AGFG1: variants seen among roughly 807,000 people sequenced by gnomAD.
AGFG1 encodes arf-GAP domain and FG repeat-containing protein 1.
AGFG1 carries 10 observed loss-of-function variants against 60.6 expected under a neutral mutation model. The ratio of observed to expected loss-of-function variants is 0.16; its 90% CI spans 0.10 to 0.28. The LOEUF is 0.28. Ranked by LOEUF, AGFG1 falls within the 10% of genes least tolerant of loss-of-function variation. AGFG1 has a pLI of 1.00. For missense variants in AGFG1, 537 were observed against 676.5 expected, an observed-to-expected ratio of 0.79 and a Z score of 2.29; for synonymous variants, 247 against 242.9, an observed-to-expected ratio of 1.02 and a Z score of -0.16.
intron 11 of AGFG1, among the ~76,000 whole-genome samples, 198 bp downstream of exon 11, chr2:227,552,315 C>T (rs1302624588): frequency 6.6e-6 from 1 of 152,178 alleles, no homozygotes; most frequent in Admixed American, 6.5e-5. Context: ...GAGCAGGTTA[C>T]AATTTATGGG....
intron 1 of AGFG1, among the ~76,000 whole-genome samples, chr2:227,478,858 T>C (rs1185726253): frequency 6.6e-6 from 1 of 152,218 alleles, no homozygotes; most frequent in Non-Finnish European, 1.5e-5. Flanking sequence ...TTCTTTTCCA[T>C]GGTCAAATAA....
At chr2:227,531,021 C>G in intron 5 of AGFG1, 70 bp from the exon 6 acceptor site, 2 of 1,355,820 alleles carry the variant, frequency 1.5e-6, no homozygotes, top group Non-Finnish European at 2.0e-6. Context: ...AATTCTTAAA[C>G]TCATGTGTCA....
At chr2:227,503,710 T>C (rs902974695) in intron 2 of AGFG1, among the ~76,000 whole-genome samples, 8 of 152,350 alleles carry the variant, frequency 5.3e-5, no homozygotes, top group Middle Eastern at 3.4e-3. Flanking sequence ...TGAGTGTCAC[T>C]GTGGTGGAGA....
intron 2 of AGFG1, among the ~76,000 whole-genome samples, chr2:227,497,567 C>G (rs574447149): frequency 6.6e-6 from 1 of 151,212 alleles, no homozygotes; most frequent in Non-Finnish European, 1.5e-5. Flanking sequence ...GTAAGATTTA[C>G]AAAAAAAAAT....
At chr2:227,547,573 C>T (rs1053418149) in intron 10 of AGFG1, among the ~76,000 whole-genome samples, 2 of 152,008 alleles carry the variant, frequency 1.3e-5, no homozygotes, top group Admixed American at 6.6e-5. Context: ...TCAGAATGTG[C>T]AAAGAACTCG....
At chr2:227,548,517 ATGT>A (rs1410478096) in intron 10 of AGFG1, among the ~76,000 whole-genome samples, 1 of 152,158 alleles carries the variant, frequency 6.6e-6, no homozygotes. Flanking sequence ...GTCTCCTGTA[ATGT>A]TGTTAGCAAA....
At chr2:227,542,094 T>C (rs554456682) in intron 10 of AGFG1, among the ~76,000 whole-genome samples, 1 of 152,340 alleles carries the variant, frequency 6.6e-6, no homozygotes, top group East Asian at 1.9e-4. Flanking sequence ...TATACAATCA[T>C]GTCATCTGCA....
Position 227,535,035 on chromosome 2 carries a change from C to G in AGFG1, c.1205+10C>G. The G allele has an allele frequency of 6.3e-7, 1 of 1,580,076 alleles. No homozygotes were observed. On this transcript the variant is annotated intron_variant, in intron 8 of 12. Transcript: ENST00000310078. ...CAAGTAATGCTAGCAGGTACCTTGT[C>G]TTAGCTAGCCCTCCTGCTTTGTGTT...
At chr2:227,528,309 A>G (rs1692056775) in intron 5 of AGFG1, among the ~76,000 whole-genome samples, 1 of 152,164 alleles carries the variant, frequency 6.6e-6, no homozygotes, top group Non-Finnish European at 1.5e-5. Context: ...ACTGAGAAGG[A>G]TAAGAAATTT....
intron 2 of AGFG1, among the ~76,000 whole-genome samples, chr2:227,507,221 C>T (rs1182517707): frequency 6.6e-6 from 1 of 151,910 alleles, no homozygotes; most frequent in African/African-American, 2.4e-5. Flanking sequence ...TTTTTTTACT[C>T]CTGTTTTCAT....
chr2:227,516,352 A>C (rs1236230984), intron 2 of AGFG1, among the ~76,000 whole-genome samples: 1 of 152,188 alleles, frequency 6.6e-6, no homozygotes, highest in African/African-American at 2.4e-5. Flanking sequence ...ACATATTGAG[A>C]GTTACTTCAC....
In AGFG1 at chr2:227,560,808, C is replaced by G. The variant is rs1014554173; in HGVS notation, c.*6313C>G. The G allele has an allele frequency of 1.3e-5, 2 of 152,088 alleles. No individual in the cohort carries two copies. Among genetic ancestry groups the G allele is most frequent in the African/African-American group, 4.8e-5 (2 of 41,438 alleles). The allele number at this position is 152,088 out of a possible 1,614,324, so 9.4% of individuals were successfully genotyped here. A position where few individuals can be genotyped will look rare whatever the true frequency, so the allele number is the denominator to read the frequency against. ...TTCTGATTCCTCATGGTTTGGAGCT[C>G]AGAAATTTCTTAACATGTCTTTGCT... On this transcript the variant is annotated 3_prime_UTR_variant, in exon 13 of 13. Transcript: ENST00000310078.
chr2:227,553,607 C>T, intron 11 of AGFG1, 97 bp from the exon 12 acceptor site: 5 of 963,172 alleles, frequency 5.2e-6, no homozygotes, highest in Non-Finnish European at 6.3e-6. Flanking sequence ...TTTTGCTGCT[C>T]TGGTAGGAAT....
In AGFG1 at chr2:227,557,670, C is replaced by T. The variant is rs1466874548; in HGVS notation, c.*3175C>T. 3.3e-5 allele frequency: 5 copies of T among 151,952 alleles called. No homozygotes were observed. The highest frequency in any genetic ancestry group is 4.4e-5 in the Non-Finnish European group (3 of 68,008). 9.4% of individuals were successfully genotyped at this position (151,952 alleles called of 1,614,324 possible). ...CCATTTTTGATAAAAATAACTTTTCCAAAACAAAAACTAATGAGAACAGGA... is the reference window on the plus strand; with the variant it reads ...CCATTTTTGATAAAAATAACTTTTCTAAAACAAAAACTAATGAGAACAGGA... On this transcript the variant is annotated 3_prime_UTR_variant, in exon 13 of 13. Transcript: ENST00000310078.
At chr2:227,542,454 A>G (rs899717445) in intron 10 of AGFG1, among the ~76,000 whole-genome samples, 1 of 152,114 alleles carries the variant, frequency 6.6e-6, no homozygotes, top group African/African-American at 2.4e-5. Flanking sequence ...TATATGATGG[A>G]TTATGTTTAT....
At chr2:227,517,130 A>T (rs933430099) in intron 2 of AGFG1, among the ~76,000 whole-genome samples, 1 of 152,192 alleles carries the variant, frequency 6.6e-6, no homozygotes, top group Admixed American at 6.5e-5. Flanking sequence ...GGATGTCTGT[A>T]CTTCTCAGGC....
At chr2:227,537,068 C>T in intron 10 of AGFG1, 75 bp downstream of exon 10, 2 of 1,275,060 alleles carry the variant, frequency 1.6e-6, no homozygotes, top group South Asian at 1.3e-5. Flanking sequence ...TGAAGAACAC[C>T]AGAAAATGGG....
chr2:227,495,207 A>T (rs1361695905), intron 2 of AGFG1, among the ~76,000 whole-genome samples: 1 of 152,142 alleles, frequency 6.6e-6, no homozygotes. Flanking sequence ...AATATTTCAC[A>T]AAAAGTTTCC....
intron 1 of AGFG1, among the ~76,000 whole-genome samples, chr2:227,484,155 A>G (rs924007483): frequency 3.9e-5 from 6 of 152,148 alleles, no homozygotes; most frequent in African/African-American, 1.4e-4. Flanking sequence ...TGTTAATACA[A>G]GGTCTTTAAA....
Sources: gnomAD v4.1 joint callset for allele counts (sites outside exome capture counted in the v4.1 genomes callset) on GRCh38, gnomAD v4.1.1 for gene constraint, MANE v1.5 for transcripts, NCBI Gene and HGNC (gene_info 2026-07-23, HGNC 2026-07-21) for gene names.